The following MED15 variants were observed in gnomAD, a reference collection of about 807,000 sequenced individuals.
MED15 encodes the protein mediator of RNA polymerase II transcription subunit 15.
MED15 carries 41 observed loss-of-function variants against 118.7 expected under a neutral mutation model. The observed-to-expected ratio is 0.35, with a 90% CI of 0.27 to 0.45. MED15 has a LOEUF of 0.45. MED15 is among the 20% of genes least tolerant of loss of function. MED15 has a pLI of 1.00. For missense variants in MED15, 740 were observed against 1,025.5 expected (o/e 0.72, Z 3.80); for synonymous variants, 436 against 413.9 (o/e 1.05, Z -0.65).
chr22:20,572,688 G>T (rs1471638755), intron 8 of MED15, among the ~76,000 whole-genome samples: 1 of 152,220 alleles, frequency 6.6e-6, no homozygotes, highest in Non-Finnish European at 1.5e-5. Flanking sequence ...GGAAGCCAAG[G>T]TGAGAGGATC....
intron 1 of MED15, among the ~76,000 whole-genome samples, chr22:20,516,484 C>T (rs2054262338): frequency 6.6e-6 from 1 of 152,126 alleles, no homozygotes; most frequent in South Asian, 2.1e-4. Context: ...CTCTGCCAAC[C>T]AGTACCCCCC....
chr22:20,586,699 G>A lies in MED15; in HGVS notation c.2362G>A (p.Ala788Thr), dbSNP rs569307030. Reference sequence around the variant, plus strand: ...CGTCCACCAGGCCTGCCTCTCAGCCGCCTAGCCAAGACTGCAGGGATGGCC... The same window carrying A: ...CGTCCACCAGGCCTGCCTCTCAGCCACCTAGCCAAGACTGCAGGGATGGCC... ...QSVHQACLSA[A>T] Residue 788 changes from alanine to threonine, a missense_variant, in exon 18 of 18, where the codon GCC becomes ACC. Transcript: ENST00000263205. 2.0e-5 allele frequency: 32 copies of A among 1,612,346 alleles called. No individual in the cohort carries two copies. In the East Asian group the frequency reaches 2.2e-4, roughly 11 times the overall value.
intron 1 of MED15, among the ~76,000 whole-genome samples, chr22:20,536,122 C>T (rs1453474311): frequency 2.6e-5 from 4 of 152,136 alleles, no homozygotes; most frequent in East Asian, 3.9e-4. Flanking sequence ...ATGATCCACC[C>T]GCCTCGGCCT....
chr22:20,520,017 C>G (rs1329578152), intron 1 of MED15, among the ~76,000 whole-genome samples: 2 of 152,142 alleles, frequency 1.3e-5, no homozygotes, highest in Non-Finnish European at 2.9e-5. Context: ...TCTCTGAGCT[C>G]TGCCTATGAA....
rs2057149621 is a variant in MED15 at position 20,586,806 on chromosome 22, G to T, written c.*102G>T. On this transcript the variant is annotated 3_prime_UTR_variant, in exon 18 of 18. Coordinates refer to ENST00000263205, the MANE Select transcript of MED15 (RefSeq NM_001003891.3). ...GCTTCCTTAGAGAGCCTGGGGTTAG[G>T]TTAGCTTTCCTGCTTTTATCTTCTG... is the stretch of plus-strand genomic sequence containing the variant. 4.0e-6 allele frequency: 6 copies of T among 1,493,476 alleles called. No homozygotes were observed. Among genetic ancestry groups the T allele is most frequent in the Non-Finnish European group, 5.4e-6 (6 of 1,111,094 alleles). The allele number at this position is 1,493,476 out of a possible 1,614,324, so 92.5% of individuals were successfully genotyped here.
chr22:20,575,364 G>T, intron 9 of MED15, 132 bp downstream of exon 9: 5 of 1,132,080 alleles, frequency 4.4e-6, no homozygotes, highest in South Asian at 1.9e-5. Flanking sequence ...CAAACCCACA[G>T]TCCCTTTTTT....
intron 2 of MED15, among the ~76,000 whole-genome samples, chr22:20,538,548 C>G (rs573290387): frequency 6.6e-6 from 1 of 152,270 alleles, no homozygotes; most frequent in East Asian, 1.9e-4. Flanking sequence ...CCATGCCCAG[C>G]CTTCAACATT....
chr22:20,561,752 C>T (rs577994429), intron 5 of MED15, among the ~76,000 whole-genome samples: 1 of 152,104 alleles, frequency 6.6e-6, no homozygotes, highest in Non-Finnish European at 1.5e-5. Flanking sequence ...CAGTGGCTCA[C>T]GTCTGTAATC....
chr22:20,538,666 A>G (rs1325328621), intron 2 of MED15, among the ~76,000 whole-genome samples: 1 of 152,130 alleles, frequency 6.6e-6, no homozygotes, highest in South Asian at 2.1e-4. Flanking sequence ...GGAATTTTCC[A>G]TATAAATATA....
intron 2 of MED15, among the ~76,000 whole-genome samples, chr22:20,548,449 G>C (rs1186712909): frequency 2.0e-5 from 3 of 152,146 alleles, no homozygotes; most frequent in Admixed American, 2.0e-4. Context: ...ACAGGTGTGA[G>C]CCAAGGTGCC....
At position 20,514,017 on chromosome 22, in the gene MED15, A is replaced by T. The variant is rs1253116394; in HGVS notation, c.68+6271A>T. Among the ~76,000 whole-genome samples, 3 of 152,084 alleles carry T rather than the reference A, an allele frequency of 2.0e-5. No homozygotes were observed. The East Asian group carries it at 5.8e-4, about 29-fold the overall frequency. On this transcript the variant is annotated intron_variant, in intron 1 of 17. Coordinates refer to ENST00000263205, the MANE Select transcript of MED15 (RefSeq NM_001003891.3). The stretch of plus-strand genomic sequence containing the variant: ...GTAGCTGGTACTACAGACGCATGCC[A>T]CCAGGCCCAGCTAATTTTTGTATTT...
chr22:20,518,864 T>G (rs557349151), intron 1 of MED15: 3 of 453,540 alleles, frequency 6.6e-6, no homozygotes, highest in East Asian at 7.0e-5. Flanking sequence ...TTTATTTGTT[T>G]GTTTATTTGG....
intron 17 of MED15, among the ~76,000 whole-genome samples, chr22:20,586,254 G>A (rs2057132224): frequency 6.6e-6 from 1 of 152,154 alleles, no homozygotes; most frequent in South Asian, 2.1e-4. Context: ...AGAGAACCAC[G>A]GTGGCAGGGG....
intron 2 of MED15, among the ~76,000 whole-genome samples, chr22:20,542,176 T>C (rs568130386): frequency 3.9e-5 from 6 of 152,298 alleles, no homozygotes; most frequent in African/African-American, 1.4e-4. Context: ...ATCAAAAAAT[T>C]GAATGTAGAG....
intron 1 of MED15, among the ~76,000 whole-genome samples, chr22:20,521,492 G>A (rs1282743642): frequency 2.0e-5 from 3 of 151,108 alleles, no homozygotes; most frequent in Non-Finnish European, 4.4e-5. Context: ...TGCCTCCCGG[G>A]TTCACACCAT....
chr22:20,583,099 C>T lies in MED15; in HGVS notation c.1538-14C>T, dbSNP rs200098522. 1,205 of 1,577,360 alleles carry T rather than the reference C, an allele frequency of 7.6e-4. No individual in the cohort carries two copies. Among genetic ancestry groups the T allele is most frequent in the Non-Finnish European group, 9.3e-4 (1,079 of 1,160,072 alleles). ...GGGTCGAGGGCTGTGGCCTCACCCG[C>T]CTGTGTCCTGCAGTGAACCCCAGCT... On this transcript the variant is annotated splice_polypyrimidine_tract_variant and intron_variant, in intron 11 of 17. Coordinates refer to ENST00000263205, the MANE Select transcript of MED15 (RefSeq NM_001003891.3).
At chr22:20,577,745 T>C (rs1221336713) in intron 9 of MED15, among the ~76,000 whole-genome samples, 1 of 151,950 alleles carries the variant, frequency 6.6e-6, no homozygotes, top group Non-Finnish European at 1.5e-5. Context: ...GCACTGGCAG[T>C]GAGAGGCACA....
chr22:20,566,162 C>A (rs1021532103), intron 6 of MED15, among the ~76,000 whole-genome samples: 2 of 151,884 alleles, frequency 1.3e-5, no homozygotes, highest in Admixed American at 1.3e-4. Flanking sequence ...GCCTCAGCCT[C>A]CCAAGTAGCT....
chr22:20,542,798 T>G (rs1262173410), intron 2 of MED15, among the ~76,000 whole-genome samples: 2 of 152,252 alleles, frequency 1.3e-5, no homozygotes, highest in Non-Finnish European at 2.9e-5. Flanking sequence ...AACTTCTACA[T>G]ATATGATGGA....
Sources: gnomAD v4.1 joint callset for allele counts (sites outside exome capture counted in the v4.1 genomes callset) on GRCh38, gnomAD v4.1.1 for gene constraint, MANE v1.5 for transcripts, NCBI Gene and HGNC (gene_info 2026-07-23, HGNC 2026-07-21) for gene names.